The following TRAK1 variants were observed in gnomAD, a reference collection of about 807,000 sequenced individuals.
The protein encoded by TRAK1 is trafficking kinesin-binding protein 1.
A neutral mutation model predicts 92.1 loss-of-function variants in TRAK1; 33 were observed. The ratio of observed to expected loss-of-function variants is 0.36; its 90% confidence interval spans 0.27 to 0.48. The LOEUF (loss-of-function observed/expected upper bound fraction) is 0.48, where lower values mean the gene tolerates loss of function less well. Ranked by LOEUF, TRAK1 falls within the 20% of genes least tolerant of loss-of-function variation. The pLI is 0.99. For synonymous variants in TRAK1, 521 were observed against 517.3 expected (o/e 1.01, Z -0.10); for missense variants, 1,123 against 1,257.9 (o/e 0.89, Z 1.62).
chr3:42,088,547 T>G (rs1704808987), upstream of TRAK1, among the ~76,000 whole-genome samples: 1 of 152,220 alleles, frequency 6.6e-6, no homozygotes, highest in African/African-American at 2.4e-5. Flanking sequence ...AATAGAATCC[T>G]TCTCAGTCCC....
intron 2 of TRAK1, among the ~76,000 whole-genome samples, chr3:42,137,690 CTGTGGAGTAGTTGATATCTCTG>C (rs1393093052): frequency 2.0e-5 from 3 of 152,232 alleles, no homozygotes; most frequent in Non-Finnish European, 4.4e-5. Flanking sequence ...CACCTGATCC[CTGTGGAGTAGTTGATATCTCTG>C]TGTGGGTTGG....
chr3:42,138,876 G>GTGTGTGTGTGTGTGTGT lies in TRAK1; in HGVS notation c.286+13262_286+13263insTGTGTGTGTGTGTGTGT, dbSNP rs1553730371. On this transcript the variant is annotated intron_variant, in intron 2 of 15. Transcript: ENST00000327628. ...TGGTGACCTAAAAGAAAGCATAGGG[G>GTGTGTGTGTGTGTGTGT]GTGTGTGTGTGTGTGTGTGTGTGTG... Among the ~76,000 whole-genome samples the GTGTGTGTGTGTGTGTGT allele has an allele frequency of 1.4e-4, 17 of 118,774 alleles. 1 individual carries two copies. The highest frequency in any genetic ancestry group is 2.2e-4 in the Non-Finnish European group (13 of 60,456). The allele number at this position is 118,774 out of a possible 152,430, so 77.9% of individuals were successfully genotyped here.
chr3:42,181,321 AT>A (rs11328801), intron 3 of TRAK1, among the ~76,000 whole-genome samples: 89,412 of 152,092 alleles, frequency 0.59, 26,942 homozygotes, highest in East Asian at 0.95. Flanking sequence ...AGGTGGGCAG[AT>A]TACTTGAGGT....
intron 1 of TRAK1, among the ~76,000 whole-genome samples, chr3:42,061,158 C>T (rs1342143569): frequency 6.6e-6 from 1 of 152,092 alleles, no homozygotes; most frequent in Non-Finnish European, 1.5e-5. Context: ...AAAAAGTGTG[C>T]AGAGTTCCCA....
chr3:42,120,551 T>C (rs1036336520), intron 1 of TRAK1, among the ~76,000 whole-genome samples: 1 of 151,746 alleles, frequency 6.6e-6, no homozygotes, highest in Non-Finnish European at 1.5e-5. Flanking sequence ...TTTTTTTGTT[T>C]TGTTTTGTTT....
intron 1 of TRAK1, among the ~76,000 whole-genome samples, chr3:42,021,303 G>C (rs1701713627): frequency 6.6e-6 from 1 of 152,132 alleles, no homozygotes; most frequent in Non-Finnish European, 1.5e-5. Flanking sequence ...TTTGCATCTA[G>C]AATATATTTT....
At chr3:42,027,706 G>T (rs748762470) in intron 1 of TRAK1, among the ~76,000 whole-genome samples, 2 of 152,084 alleles carry the variant, frequency 1.3e-5, no homozygotes, top group Non-Finnish European at 2.9e-5. Context: ...ACTGAAATGG[G>T]TAACTAATTA....
intron 2 of TRAK1, among the ~76,000 whole-genome samples, chr3:42,166,450 TA>T (rs1304392876): frequency 6.6e-6 from 1 of 152,192 alleles, no homozygotes; most frequent in East Asian, 1.9e-4. Flanking sequence ...GGTGGCTGAT[TA>T]CAGCATCTAG....
intron 1 of TRAK1, among the ~76,000 whole-genome samples, chr3:42,024,565 A>G (rs1370335288): frequency 6.6e-6 from 1 of 152,238 alleles, no homozygotes; most frequent in Non-Finnish European, 1.5e-5. Context: ...TACATAACTT[A>G]TTCATGATAT....
chr3:42,120,405 G>T (rs1477633797), intron 1 of TRAK1, among the ~76,000 whole-genome samples: 1 of 151,382 alleles, frequency 6.6e-6, no homozygotes, highest in Non-Finnish European at 1.5e-5. Flanking sequence ...GAGCATAAAG[G>T]GTTCCTTTCC....
chr3:42,173,168 C>T (rs35524445), intron 2 of TRAK1, among the ~76,000 whole-genome samples: 26,739 of 152,064 alleles, frequency 0.18, 2,472 homozygotes, highest in Non-Finnish European at 0.21. Flanking sequence ...AAAAAATTAT[C>T]GTAGAGGTTT....
chr3:42,170,617 T>C (rs1439196721), intron 2 of TRAK1, among the ~76,000 whole-genome samples: 1 of 152,134 alleles, frequency 6.6e-6, no homozygotes, highest in African/African-American at 2.4e-5. Flanking sequence ...CCCTTTGCAG[T>C]TTTTATAATG....
intron 3 of TRAK1, among the ~76,000 whole-genome samples, chr3:42,181,134 T>A (rs369443948): frequency 2.7e-4 from 41 of 152,382 alleles, no homozygotes; most frequent in African/African-American, 9.6e-4. Context: ...TCTGGCCGTT[T>A]GTGTGCTGGA....
intron 1 of TRAK1, among the ~76,000 whole-genome samples, chr3:42,106,520 T>TA (rs1478510421): frequency 6.6e-6 from 1 of 152,184 alleles, no homozygotes; most frequent in African/African-American, 2.4e-5. Context: ...TTATTTAAGA[T>TA]AAAAAATAAA....
At chr3:42,063,506 C>G (rs1703538532) in intron 1 of TRAK1, among the ~76,000 whole-genome samples, 1 of 152,074 alleles carries the variant, frequency 6.6e-6, no homozygotes, top group Non-Finnish European at 1.5e-5. Context: ...GACAACATGG[C>G]AAAACCCTGT....
At chr3:42,166,994 G>A (rs1331164675) in intron 2 of TRAK1, among the ~76,000 whole-genome samples, 1 of 152,204 alleles carries the variant, frequency 6.6e-6, no homozygotes. Flanking sequence ...CAAGGAGATG[G>A]GGAGTTGCTA....
rs969544134 is a variant in TRAK1 at position 42,224,145 on chromosome 3, G to A, written c.*408G>A. 8 of 457,876 alleles carry A rather than the reference G, an allele frequency of 1.7e-5. No individual in the cohort carries two copies. The highest frequency in any genetic ancestry group is 3.1e-5 in the Non-Finnish European group (7 of 228,372). The allele number at this position is 457,876 out of a possible 1,614,324, so 28.4% of individuals were successfully genotyped here. A position where few individuals can be genotyped will look rare whatever the true frequency, so the allele number is the denominator to read the frequency against. On this transcript the variant is annotated 3_prime_UTR_variant, in exon 16 of 16. Coordinates refer to ENST00000327628, the MANE Select transcript of TRAK1 (RefSeq NM_001042646.3). Reference sequence around the variant, plus strand: ...GCTGGCACACCACGAGCTGTCACGCGGCACGGGTCATAACACATCTGGGTG... The same window carrying A: ...GCTGGCACACCACGAGCTGTCACGCAGCACGGGTCATAACACATCTGGGTG...
intron 1 of TRAK1, among the ~76,000 whole-genome samples, chr3:42,020,761 A>T (rs975167144): frequency 6.6e-6 from 1 of 152,250 alleles, no homozygotes; most frequent in Non-Finnish European, 1.5e-5. Context: ...AAAAAAAGAT[A>T]ACTCTGTAAA....
rs146700718 is a variant in TRAK1 at position 42,199,348 on chromosome 3, G to A, written c.1190+95G>A. On this transcript the variant is annotated intron_variant, in intron 11 of 15. Transcript: ENST00000327628. ...TAGCAATGTTGAGGCTCTGGGTACC[G>A]ACAGTGATTGACTATTGTCCTTCCC... 3,244 of 1,164,298 alleles carry A rather than the reference G, an allele frequency of 2.8e-3. 3 individuals carry two copies. The highest frequency in any genetic ancestry group is 3.7e-3 in the Non-Finnish European group (2,930 of 793,622). The allele number at this position is 1,164,298 out of a possible 1,614,324, so 72.1% of individuals were successfully genotyped here.
Sources: allele counts gnomAD v4.1 joint callset (sites outside exome capture counted in the v4.1 genomes callset), GRCh38; gene constraint gnomAD v4.1.1; transcripts MANE v1.5; gene names NCBI Gene and HGNC (gene_info 2026-07-23, HGNC 2026-07-21).